Variants in APP observed in about 807,000 individuals in gnomAD.
The protein encoded by APP is amyloid-beta precursor protein.
APP carries 31 observed loss-of-function variants against 101.4 expected under a neutral mutation model. The ratio of observed to expected loss-of-function variants is 0.31; its 90% confidence interval spans 0.23 to 0.41. The LOEUF is 0.41. Ranked by LOEUF, APP falls within the 10% of genes least tolerant of loss-of-function variation. The pLI is 1.00. For synonymous variants in APP, 366 were observed against 364.4 expected (o/e 1.00, Z -0.05); for missense variants, 839 against 1,003.7 (o/e 0.84, Z 2.22).
At chr21:25,995,289 C>T (rs1388350997) in intron 8 of APP, among the ~76,000 whole-genome samples, 3 of 152,178 alleles carry the variant, frequency 2.0e-5, no homozygotes, top group East Asian at 1.9e-4. Context: ...TTTACTGATG[C>T]GTGCTCTATT....
chr21:25,954,128 C>T (rs1250015542), intron 13 of APP, among the ~76,000 whole-genome samples: 1 of 152,166 alleles, frequency 6.6e-6, no homozygotes, highest in African/African-American at 2.4e-5. Context: ...TGTGTTTTGG[C>T]TGTGCTACTT....
intron 1 of APP, among the ~76,000 whole-genome samples, chr21:26,139,374 T>C (rs1272671281): frequency 2.6e-5 from 4 of 152,184 alleles, no homozygotes; most frequent in Non-Finnish European, 2.9e-5. Context: ...GGGTTATTTC[T>C]TCCAAAGCTC....
At chr21:26,031,922 C>CA (rs2044846865) in intron 5 of APP, among the ~76,000 whole-genome samples, 1 of 152,244 alleles carries the variant, frequency 6.6e-6, no homozygotes, top group Non-Finnish European at 1.5e-5. Flanking sequence ...CACTGATCCT[C>CA]AGTGGCAGAA....
At chr21:25,901,922 G>A (rs900625201) in intron 15 of APP, among the ~76,000 whole-genome samples, 1 of 152,170 alleles carries the variant, frequency 6.6e-6, no homozygotes, top group Admixed American at 6.5e-5. Flanking sequence ...CCTATGTGAA[G>A]AGCTCGCTAA....
chr21:26,067,461 G>A (rs1393481407), intron 3 of APP, among the ~76,000 whole-genome samples: 2 of 152,154 alleles, frequency 1.3e-5, no homozygotes, highest in Middle Eastern at 3.2e-3. Context: ...GACAGGTTGG[G>A]GTTATGGGAG....
chr21:26,070,749 C>T (rs941615878), intron 3 of APP, among the ~76,000 whole-genome samples: 1 of 151,922 alleles, frequency 6.6e-6, no homozygotes, highest in African/African-American at 2.4e-5. Context: ...AAACAAAACA[C>T]CCAGAAAAAT....
intron 6 of APP, chr21:26,009,707 A>G: frequency 6.6e-6 from 1 of 150,920 alleles, no homozygotes; most frequent in Non-Finnish European, 1.5e-5. Flanking sequence ...CTCCTGCTTC[A>G]GCCTCCCGAG....
intron 3 of APP, 116 bp downstream of exon 3, chr21:26,089,827 G>T: frequency 6.7e-7 from 1 of 1,488,138 alleles, no homozygotes. Flanking sequence ...GTACAACACA[G>T]AGTGGCAATG....
chr21:25,979,764 T>C (rs889274489), intron 9 of APP, among the ~76,000 whole-genome samples: 2 of 151,122 alleles, frequency 1.3e-5, no homozygotes, highest in Non-Finnish European at 2.9e-5. Flanking sequence ...AGGTCAAAAA[T>C]GAACAAGATA....
At chr21:26,084,153 A>C (rs2061653561) in intron 3 of APP, among the ~76,000 whole-genome samples, 1 of 151,558 alleles carries the variant, frequency 6.6e-6, no homozygotes, top group African/African-American at 2.4e-5. Context: ...CAATTGAGGC[A>C]ATTATGGAAC....
intron 9 of APP, among the ~76,000 whole-genome samples, chr21:25,981,235 T>G (rs555055780): frequency 1.3e-5 from 2 of 152,368 alleles, no homozygotes; most frequent in East Asian, 3.9e-4. Context: ...AAAGACTGAC[T>G]GTGATCTTAG....
chr21:25,886,764 T>C (rs933698420), intron 17 of APP, among the ~76,000 whole-genome samples: 2 of 146,130 alleles, frequency 1.4e-5, no homozygotes, highest in Admixed American at 6.8e-5. Context: ...AAGCCACTCC[T>C]AGGTTCTGCA....
intron 2 of APP, among the ~76,000 whole-genome samples, chr21:26,092,973 G>C (rs2061859188): frequency 6.6e-6 from 1 of 152,194 alleles, no homozygotes; most frequent in South Asian, 2.1e-4. Context: ...TCAGAATCCT[G>C]GGGTGGGTGC....
At chr21:26,126,542 A>T (rs1005274846) in intron 1 of APP, among the ~76,000 whole-genome samples, 3 of 152,056 alleles carry the variant, frequency 2.0e-5, no homozygotes, top group African/African-American at 7.2e-5. Flanking sequence ...GTCCTAGGCC[A>T]CTTTGCTTTT....
chr21:26,000,934 TTTAA>T (rs1246087867), intron 6 of APP, among the ~76,000 whole-genome samples: 4 of 151,746 alleles, frequency 2.6e-5, no homozygotes, highest in Non-Finnish European at 5.9e-5. Context: ...AATTCTGCTA[TTTAA>T]TTGATATTTA....
At chr21:25,895,395 A>G (rs2037970912) in intron 16 of APP, among the ~76,000 whole-genome samples, 1 of 152,108 alleles carries the variant, frequency 6.6e-6, no homozygotes, top group African/African-American at 2.4e-5. Flanking sequence ...CGACCTCCTG[A>G]CCTTGTGATC....
rs147023130 is a variant in APP at position 25,932,515 on chromosome 21, G to A, written c.1688-20553C>T. 2.0e-5 allele frequency among the ~76,000 whole-genome samples: 3 copies of A among 152,166 alleles called. No individual in the cohort carries two copies. In the East Asian group the frequency reaches 5.8e-4, roughly 29 times the overall value. On this transcript the variant is annotated intron_variant, in intron 13 of 17. Transcript: ENST00000346798. ...GGATGTACAGCTTCAGGCCTCATAC[G>A]AGAGGATCTCACAACAATCTCTTCA...
intron 16 of APP, among the ~76,000 whole-genome samples, chr21:25,892,491 C>T (rs942011325): frequency 6.6e-6 from 1 of 152,092 alleles, no homozygotes; most frequent in African/African-American, 2.4e-5. Context: ...AGTAATTCTG[C>T]AGAATTCTAA....
At chr21:26,135,744 T>A (rs943071511) in intron 1 of APP, among the ~76,000 whole-genome samples, 1 of 152,082 alleles carries the variant, frequency 6.6e-6, no homozygotes, top group African/African-American at 2.4e-5. Flanking sequence ...CAGATCTTTA[T>A]CTCCCCAATG....
Sources: gnomAD v4.1 joint callset for allele counts (sites outside exome capture counted in the v4.1 genomes callset) on GRCh38, gnomAD v4.1.1 for gene constraint, MANE v1.5 for transcripts, NCBI Gene and HGNC (gene_info 2026-07-23, HGNC 2026-07-21) for gene names.